The following SAMD3 variants were observed in gnomAD, a reference collection of about 807,000 sequenced individuals.
The protein encoded by SAMD3 is sterile alpha motif domain containing 3.
In SAMD3, 63 loss-of-function variants were observed where a neutral mutation model predicts 58.5. The ratio of observed to expected loss-of-function variants is 1.08; its 90% CI spans 0.88 to 1.33. The LOEUF (loss-of-function observed/expected upper bound fraction) is 1.33. Ranked by LOEUF, SAMD3 falls within the 40% of genes most tolerant of loss-of-function variation. The pLI, the probability that SAMD3 is intolerant of heterozygous loss-of-function variation, is 0.00. For synonymous variants in SAMD3, 220 were observed against 210.3 expected (o/e 1.05, Z -0.40); for missense variants, 604 against 608.4 (o/e 0.99, Z 0.08).
At chr6:130,187,325 G>A (rs533087993) in intron 5 of SAMD3, among the ~76,000 whole-genome samples, 5 of 149,940 alleles carry the variant, frequency 3.3e-5, no homozygotes, top group Admixed American at 1.3e-4. Context: ...TTTTTTCAGT[G>A]TCGGGGCGGA....
intron 8 of SAMD3, among the ~76,000 whole-genome samples, chr6:130,170,138 G>A (rs902222068): frequency 1.3e-5 from 2 of 152,168 alleles, no homozygotes; most frequent in Non-Finnish European, 2.9e-5. Flanking sequence ...CTATCAACCT[G>A]TCATCTAGGT....
chr6:130,233,516 G>A (rs545592867), intron 2 of SAMD3, among the ~76,000 whole-genome samples: 14 of 152,282 alleles, frequency 9.2e-5, no homozygotes, highest in African/African-American at 3.4e-4. Flanking sequence ...AAGCAAATGA[G>A]GTCATCAAGG....
chr6:130,320,046 A>G (rs922993037), intron 1 of SAMD3, among the ~76,000 whole-genome samples: 1 of 152,080 alleles, frequency 6.6e-6, no homozygotes, highest in Admixed American at 6.5e-5. Flanking sequence ...ATTGTGGAGA[A>G]TATGAAAATG....
intron 5 of SAMD3, among the ~76,000 whole-genome samples, chr6:130,193,011 C>T (rs899726044): frequency 6.6e-6 from 1 of 152,222 alleles, no homozygotes; most frequent in East Asian, 1.9e-4. Context: ...CACGTTTCAT[C>T]CGTGGACCCA....
chr6:130,179,714 A>C (rs942677381), intron 7 of SAMD3, among the ~76,000 whole-genome samples: 2 of 152,084 alleles, frequency 1.3e-5, no homozygotes, highest in Non-Finnish European at 2.9e-5. Context: ...AAATTGGAGA[A>C]ATGTGAATAT....
chr6:130,181,119 G>A (rs185949265), intron 7 of SAMD3, among the ~76,000 whole-genome samples: 238 of 151,668 alleles, frequency 1.6e-3, no homozygotes, highest in Admixed American at 4.2e-3. Context: ...GCTAATTTTT[G>A]TATTTTTAGT....
At chr6:130,296,900 G>T (rs1383826645) in intron 2 of SAMD3, among the ~76,000 whole-genome samples, 1 of 152,122 alleles carries the variant, frequency 6.6e-6, no homozygotes, top group Non-Finnish European at 1.5e-5. Context: ...TCACATTCCT[G>T]CCAACTCAGG....
intron 1 of SAMD3, among the ~76,000 whole-genome samples, chr6:130,355,417 C>T (rs768833983): frequency 1.4e-4 from 21 of 152,186 alleles, no homozygotes; most frequent in Non-Finnish European, 2.2e-4. Flanking sequence ...GAGTGAGACT[C>T]TGTCTCAAAA....
chr6:130,264,685 G>C (rs964959010), intron 2 of SAMD3, among the ~76,000 whole-genome samples: 6 of 152,150 alleles, frequency 3.9e-5, no homozygotes, highest in African/African-American at 1.4e-4. Context: ...ATAGCTACAG[G>C]ATTTAAGTCA....
chr6:130,219,928 C>T (rs1045874253), intron 1 of SAMD3, among the ~76,000 whole-genome samples: 1 of 152,240 alleles, frequency 6.6e-6, no homozygotes, highest in Non-Finnish European at 1.5e-5. Context: ...TAATTCACAA[C>T]ACCTCCAATA....
At chr6:130,314,202 A>G (rs766273367) in intron 1 of SAMD3, among the ~76,000 whole-genome samples, 41 of 152,166 alleles carry the variant, frequency 2.7e-4, no homozygotes, top group Non-Finnish European at 5.0e-4. Context: ...AGGTACAAAA[A>G]ACACTCTTTT....
rs185253526 is a variant in SAMD3, at chr6:130,307,545, A to C, written c.-188+5433T>G. The stretch of plus-strand genomic sequence containing the variant: ...TTGATTTAAGAAACTTAGGTTTATA[A>C]TTTAATAAAGGAAAATTGGGCTTAA... On this transcript the variant is annotated intron_variant, in intron 2 of 13. Coordinates refer to the SAMD3 transcript ENST00000368134. Among the ~76,000 whole-genome samples, 197 of 152,314 alleles carry C rather than the reference A, an allele frequency of 1.3e-3. 1 individual carries two copies. The highest frequency in any genetic ancestry group is 4.5e-3 in the African/African-American group (189 of 41,578).
chr6:130,310,315 A>C (rs1457972523), intron 2 of SAMD3, among the ~76,000 whole-genome samples: 1 of 152,226 alleles, frequency 6.6e-6, no homozygotes, highest in East Asian at 1.9e-4. Flanking sequence ...ATTTCATTTC[A>C]TATATGGTGA....
intron 2 of SAMD3, chr6:130,215,721 G>A (rs1054609248): frequency 4.1e-6 from 6 of 1,476,606 alleles, no homozygotes; most frequent in Non-Finnish European, 5.4e-6. Flanking sequence ...GGCAGGAGAG[G>A]AAGGGAGGAA....
intron 1 of SAMD3, among the ~76,000 whole-genome samples, chr6:130,326,815 G>A (rs1006857501): frequency 1.3e-5 from 2 of 152,126 alleles, no homozygotes; most frequent in Non-Finnish European, 2.9e-5. Context: ...TAATGTGAAC[G>A]TCTACTCCAC....
At chr6:130,225,625 A>G (rs1036698054), upstream of SAMD3, among the ~76,000 whole-genome samples, 1 of 152,248 alleles carries the variant, frequency 6.6e-6, no homozygotes, top group African/African-American at 2.4e-5. Flanking sequence ...CTTACATTCC[A>G]ATCTTAACTG....
chr6:130,245,418 A>G (rs1454512031), intron 2 of SAMD3, among the ~76,000 whole-genome samples: 2 of 152,234 alleles, frequency 1.3e-5, no homozygotes, highest in African/African-American at 2.4e-5. Flanking sequence ...AGTATAAACA[A>G]GGGAAGGAAA....
Position 130,176,008 on chromosome 6 carries a change from A to C in SAMD3, c.655T>G (p.Phe219Val). 6.2e-7 allele frequency: 1 copy of C among 1,612,014 alleles called. No individual in the cohort carries two copies. The highest frequency in any genetic ancestry group is 8.5e-7 in the Non-Finnish European group (1 of 1,179,026). ...TCTTTGAGGGCTCGTTTCCATAAAA[A>C]CTGTAAAATAAAACAGACCAGTTAA... ...PFLDEDGCGF[F>V]LWKRALKDRF... Residue 219 changes from phenylalanine (F) to valine (V), a missense_variant and splice_region_variant, in exon 8 of 12, where the codon TTT (phenylalanine) becomes GTT (valine). Coordinates refer to ENST00000439090, the MANE Select transcript of SAMD3 (RefSeq NM_001017373.4).
Position 130,184,692 on chromosome 6 carries a change from T to G in SAMD3, c.384-69A>C, listed in dbSNP as rs944869424. 3.1e-6 allele frequency: 4 copies of G among 1,305,414 alleles called. No homozygotes were observed. The African/African-American group carries it at 5.9e-5, about 19-fold the overall frequency. The allele number at this position is 1,305,414 out of a possible 1,614,324, so 80.9% of individuals were successfully genotyped here. A position where few individuals can be genotyped will look rare whatever the true frequency, so the allele number is the denominator to read the frequency against. ...ATATGCAGTTTATTAATTTGCTACATCCTGAGAACTTATGAAATAAACAAC... is the reference window on the plus strand; with the variant it reads ...ATATGCAGTTTATTAATTTGCTACAGCCTGAGAACTTATGAAATAAACAAC... On this transcript the variant is annotated intron_variant, in intron 5 of 11. Transcript: ENST00000439090.
Sources: allele counts gnomAD v4.1 joint callset (sites outside exome capture counted in the v4.1 genomes callset), GRCh38; gene constraint gnomAD v4.1.1; transcripts MANE v1.5; gene names NCBI Gene and HGNC (gene_info 2026-07-23, HGNC 2026-07-21).